THEMIS: variants seen among roughly 807,000 people sequenced by gnomAD.
THEMIS encodes protein THEMIS.
A neutral mutation model predicts 52.6 loss-of-function variants in THEMIS; 37 were observed. The ratio of observed to expected loss-of-function variants is 0.70; its 90% confidence interval spans 0.54 to 0.93. THEMIS has a LOEUF of 0.93. THEMIS is among the 40% of genes least tolerant of loss of function. THEMIS has a pLI of 0.00. For synonymous variants in THEMIS, 292 were observed against 272.7 expected (o/e 1.07, Z -0.70); for missense variants, 808 against 763.1 (o/e 1.06, Z -0.69).
At chr6:127,732,721 A>G (rs1774854266) in intron 4 of THEMIS, among the ~76,000 whole-genome samples, 1 of 152,174 alleles carries the variant, frequency 6.6e-6, no homozygotes, top group Non-Finnish European at 1.5e-5. Flanking sequence ...GGATAAACCA[A>G]AATGCATTTA....
At chr6:127,728,081 T>A (rs1259277933) in intron 4 of THEMIS, among the ~76,000 whole-genome samples, 1 of 152,136 alleles carries the variant, frequency 6.6e-6, no homozygotes, top group Non-Finnish European at 1.5e-5. Context: ...TTGCTTTCCC[T>A]CTCCAAACAT....
intron 4 of THEMIS, among the ~76,000 whole-genome samples, chr6:127,730,318 G>GAAAAGAAAAGAAAAGAAAAGA (rs1456074763): frequency 1.7e-5 from 2 of 117,024 alleles, no homozygotes; most frequent in African/African-American, 7.3e-5. Flanking sequence ...AAAGAAAAGA[G>GAAAAGAAAAGAAAAGAAAAGA]AAAAAAAGAA....
At chr6:127,873,869 T>C (rs1780233013) in intron 1 of THEMIS, among the ~76,000 whole-genome samples, 1 of 152,232 alleles carries the variant, frequency 6.6e-6, no homozygotes, top group Non-Finnish European at 1.5e-5. Flanking sequence ...AATGCATTCA[T>C]AGTATTGCAT....
chr6:127,706,123 T>A (rs913475601), downstream of THEMIS, among the ~76,000 whole-genome samples: 1 of 151,794 alleles, frequency 6.6e-6, no homozygotes, highest in Admixed American at 6.6e-5. Flanking sequence ...AGAGTGGAAG[T>A]GGGAAAGAAA....
chr6:127,870,448 G>A (rs1780122851), intron 1 of THEMIS, among the ~76,000 whole-genome samples: 1 of 152,086 alleles, frequency 6.6e-6, no homozygotes. Context: ...ACAAAAAACA[G>A]AGAACAAACA....
intron 2 of THEMIS, among the ~76,000 whole-genome samples, chr6:127,838,972 T>C (rs1256966527): frequency 1.3e-5 from 2 of 152,130 alleles, no homozygotes; most frequent in Admixed American, 6.6e-5. Flanking sequence ...ATAGTACCAT[T>C]TATTATAACT....
intron 1 of THEMIS, among the ~76,000 whole-genome samples, chr6:127,913,795 A>T (rs1038820740): frequency 6.6e-6 from 1 of 152,228 alleles, no homozygotes; most frequent in Non-Finnish European, 1.5e-5. Flanking sequence ...GAATTCAATC[A>T]CAAGTACTCT....
At chr6:127,706,880 G>C (rs1373713895), downstream of THEMIS, among the ~76,000 whole-genome samples, 1 of 151,986 alleles carries the variant, frequency 6.6e-6, no homozygotes, top group Non-Finnish European at 1.5e-5. Flanking sequence ...GCCCTGGCAT[G>C]GTTGATGAAT....
At chr6:127,712,873 A>G (rs912803960) in intron 5 of THEMIS, among the ~76,000 whole-genome samples, 16 of 151,928 alleles carry the variant, frequency 1.1e-4, no homozygotes, top group Non-Finnish European at 1.8e-4. Context: ...GAAAATTTCA[A>G]TTTCGTTATA....
chr6:127,902,483 C>G (rs1312674181), upstream of THEMIS, among the ~76,000 whole-genome samples: 1 of 151,960 alleles, frequency 6.6e-6, no homozygotes, highest in Non-Finnish European at 1.5e-5. Context: ...TACAGAGGGT[C>G]AGGGGACATC....
At chr6:127,831,153 A>G (rs1778688640) in intron 2 of THEMIS, among the ~76,000 whole-genome samples, 2 of 152,164 alleles carry the variant, frequency 1.3e-5, no homozygotes, top group African/African-American at 4.8e-5. Context: ...TTTCATTGAT[A>G]TCTATTTCAC....
intron 4 of THEMIS, among the ~76,000 whole-genome samples, chr6:127,747,067 T>TA (rs1267266410): frequency 8.2e-6 from 1 of 122,322 alleles, no homozygotes; most frequent in African/African-American, 3.1e-5. Context: ...TTATATATAA[T>TA]TGTATATAGA....
chr6:127,697,734 C>T, the THEMIS span, among the ~76,000 whole-genome samples: 1 of 152,048 alleles, frequency 6.6e-6, no homozygotes, highest in South Asian at 2.1e-4. Flanking sequence ...TGATCACTTC[C>T]TCAGGATTTT....
chr6:127,868,399 C>T, intron 1 of THEMIS: 2 of 982,912 alleles, frequency 2.0e-6, no homozygotes, highest in Non-Finnish European at 2.4e-6. Flanking sequence ...GCCAATATTT[C>T]TGAGGAAAAG....
chr6:127,853,580 A>C (rs188873227), intron 2 of THEMIS, among the ~76,000 whole-genome samples: 1 of 151,652 alleles, frequency 6.6e-6, no homozygotes, highest in Non-Finnish European at 1.5e-5. Flanking sequence ...CACTTGAAAA[A>C]ATCCTCACTT....
chr6:127,898,312 A>T (rs1336869432), intron 1 of THEMIS, among the ~76,000 whole-genome samples: 4 of 151,928 alleles, frequency 2.6e-5, no homozygotes, highest in East Asian at 1.9e-4. Flanking sequence ...GGGACACTAC[A>T]TTCTTTCTTA....
intron 4 of THEMIS, among the ~76,000 whole-genome samples, chr6:127,723,844 T>G (rs891666563): frequency 2.6e-5 from 4 of 152,038 alleles, no homozygotes; most frequent in African/African-American, 9.7e-5. Context: ...ATAATTACAA[T>G]CAAATAATAG....
rs184736614 is a variant in THEMIS, at chr6:127,899,204, G to C, written c.91+1638C>G. On this transcript the variant is annotated intron_variant, in intron 1 of 5. Coordinates refer to ENST00000368248, the MANE Select transcript of THEMIS (RefSeq NM_001010923.3). ...TACTCTGACTTGATTATTACACACT[G>C]TATCAAAATATCACATGTATCCCAT... Among the ~76,000 whole-genome samples, 6 of 151,848 alleles carry C rather than the reference G, an allele frequency of 4.0e-5. No homozygotes were observed. The East Asian group carries it at 9.7e-4, about 25-fold the overall frequency.
intron 4 of THEMIS, among the ~76,000 whole-genome samples, chr6:127,791,446 G>C (rs944157609): frequency 6.6e-6 from 1 of 152,172 alleles, no homozygotes; most frequent in African/African-American, 2.4e-5. Context: ...GTCTGGCTGA[G>C]TCCAAGATTT....
Sources: allele counts gnomAD v4.1 joint callset (sites outside exome capture counted in the v4.1 genomes callset), GRCh38; gene constraint gnomAD v4.1.1; transcripts MANE v1.5; gene names NCBI Gene and HGNC (gene_info 2026-07-23, HGNC 2026-07-21).